EXOG: variants seen among roughly 807,000 people sequenced by gnomAD.
The protein encoded by EXOG is nuclease EXOG, mitochondrial.
EXOG carries 27 observed loss-of-function variants against 25.8 expected under a neutral mutation model. The ratio of observed to expected loss-of-function variants is 1.05; its 90% CI spans 0.77 to 1.45. EXOG has a LOEUF of 1.45. Ranked by LOEUF, EXOG falls within the 40% of genes most tolerant of loss-of-function variation. EXOG has a pLI of 0.00. For missense variants in EXOG, 458 were observed against 450.5 expected (o/e 1.02, Z -0.15); for synonymous variants, 133 against 167.0 (o/e 0.80, Z 1.57).
In EXOG at chr3:38,510,887, A is replaced by G. The variant is rs28490066; in HGVS notation, c.645+3919A>G. ...CTTCCTGAAGAGTATACTTTGAGTA[A>G]TAGTCTTGTTTCTTGTTTTTATTTT... On this transcript the variant is annotated intron_variant, in intron 5 of 5. Coordinates refer to ENST00000287675, the MANE Select transcript of EXOG (RefSeq NM_005107.4). Among the ~76,000 whole-genome samples, 364 of 152,160 alleles carry G rather than the reference A, an allele frequency of 2.4e-3. 1 individual carries two copies. Among genetic ancestry groups the G allele is most frequent in the African/African-American group, 8.5e-3 (354 of 41,536 alleles).
In EXOG at chr3:38,525,334, G is replaced by T. The variant is rs1037243827; in HGVS notation, c.*972G>T. 3.6e-5 allele frequency: 35 copies of T among 985,074 alleles called. No individual in the cohort carries two copies. The African/African-American group carries it at 5.4e-4, about 15-fold the overall frequency. 61.0% of individuals were successfully genotyped at this position (985,074 alleles called of 1,614,324 possible). On this transcript the variant is annotated 3_prime_UTR_variant, in exon 6 of 6. Transcript: ENST00000287675. ...ATTCAAATCTTTTCTGACATGGATG[G>T]TGGCTTTTTACTCAGAAATATATAC...
intron 4 of EXOG, among the ~76,000 whole-genome samples, chr3:38,504,670 G>A (rs1428395536): frequency 2.6e-5 from 4 of 152,042 alleles, no homozygotes; most frequent in African/African-American, 7.2e-5. Context: ...TCCTGACCTC[G>A]TGATTTGCCC....
intron 3 of EXOG, among the ~76,000 whole-genome samples, chr3:38,501,973 A>C (rs969752262): frequency 1.3e-5 from 2 of 152,102 alleles, no homozygotes; most frequent in South Asian, 4.2e-4. Flanking sequence ...CCCAGGCTGG[A>C]GTACAATGGC....
chr3:38,498,856 T>C, intron 2 of EXOG: 1 of 450,698 alleles, frequency 2.2e-6, no homozygotes, highest in South Asian at 1.6e-5. Flanking sequence ...TTTATTCATG[T>C]GTCCTTATGT....
chr3:38,521,497 G>T (rs1414626697), intron 5 of EXOG, among the ~76,000 whole-genome samples: 1 of 152,216 alleles, frequency 6.6e-6, no homozygotes. Flanking sequence ...GAAAATTGCC[G>T]TTTGTTTGTA....
Position 38,524,562 on chromosome 3 carries a change from C to T in EXOG, c.*200C>T, listed in dbSNP as rs1559704593. On this transcript the variant is annotated 3_prime_UTR_variant, in exon 6 of 6. Transcript: ENST00000287675. ...CCTCAAACTTCTGGGCTTAAGCAAT[C>T]CTCCTGCCTCTGCCCCCTGAGCAGC... 8.0e-7 allele frequency: 1 copy of T among 1,256,464 alleles called. No homozygotes were observed. The highest frequency in any genetic ancestry group is 3.6e-5 in the Admixed American group (1 of 27,470). 77.8% of individuals were successfully genotyped at this position (1,256,464 alleles called of 1,614,324 possible).
rs771677731 is a variant in EXOG at position 38,501,393 on chromosome 3, C to G, written c.352C>G (p.Pro118Ala). ...DRKHCKFKPD[P>A]NIPPTFSAFN... ...AAAGCATTGTAAATTTAAGCCTGAT[C>G]CCAATATCCCTCCAACCTTCAGTGC... is the stretch of plus-strand genomic sequence containing the variant. Residue 118 changes from proline to alanine, a missense_variant, in exon 3 of 6, where the codon CCC (proline) becomes GCC (alanine). Physicochemically the swap from Pro to Ala is conservative, Grantham distance 27. Around this residue, in one of 3 missense-constraint regions of EXOG, gnomAD observed 275 missense variants for 230.5 expected, o/e 1.19. Transcript: ENST00000287675. 3.0e-5 allele frequency: 48 copies of G among 1,613,012 alleles called. No homozygotes were observed. In the Admixed American group the frequency reaches 6.2e-4, roughly 21 times the overall value.
intron 3 of EXOG, 117 bp from the exon 4 acceptor site, chr3:38,503,498 A>C (rs2060108653): frequency 1.8e-6 from 1 of 562,038 alleles, no homozygotes; most frequent in Non-Finnish European, 3.2e-6. Context: ...ACAAGTAGTC[A>C]ATAATTGCCT....
chr3:38,523,954 GGCCC>G lies in EXOG; in HGVS notation c.702_705del (p.Arg235GlufsTer11). 6.2e-7 allele frequency: 1 copy of G among 1,604,904 alleles called. No individual in the cohort carries two copies. Among genetic ancestry groups the G allele is most frequent in the Non-Finnish European group, 8.5e-7 (1 of 1,175,276 alleles). ...CCTCACACCTTTATAAGGTAATCCT[GGCCC>G]GCAGAAGCTCAGTATCTACCGAACC... On this transcript the variant is annotated frameshift_variant, in exon 6 of 6. Transcript: ENST00000287675. LOFTEE classifies it low-confidence loss of function (END_TRUNC).
At chr3:38,499,004 G>A in intron 2 of EXOG, 2 of 456,536 alleles carry the variant, frequency 4.4e-6, no homozygotes, top group South Asian at 1.5e-5. Flanking sequence ...GCATTACTGA[G>A]CTTTACCAAT....
At chr3:38,509,399 C>T (rs1465123301) in intron 5 of EXOG, among the ~76,000 whole-genome samples, 1 of 151,900 alleles carries the variant, frequency 6.6e-6, no homozygotes, top group Middle Eastern at 3.2e-3. Context: ...GCCCAAATGC[C>T]GTAGTGGAAA....
intron 5 of EXOG, chr3:38,523,109 C>G (rs1034529411): frequency 8.5e-6 from 7 of 825,574 alleles, no homozygotes; most frequent in Non-Finnish European, 1.2e-5. Context: ...GGCTGCTTCT[C>G]TAAGGGCTAT....
rs150601652 is a variant in EXOG at position 38,499,754 on chromosome 3, G to A, written c.314-1601G>A. 1,179 of 429,300 alleles carry A rather than the reference G, an allele frequency of 2.7e-3. 14 individuals are homozygous for A. Among genetic ancestry groups the A allele is most frequent in the African/African-American group, 0.022 (1,045 of 48,168 alleles). 26.6% of individuals were successfully genotyped at this position (429,300 alleles called of 1,614,324 possible). ...TGAGTAGCTGGGATTACAGGTATGT[G>A]CCACTATGCCCAACTAAAAGTATAT... On this transcript the variant is annotated intron_variant, in intron 2 of 5. Coordinates refer to ENST00000287675, the MANE Select transcript of EXOG (RefSeq NM_005107.4).
chr3:38,515,168 C>T (rs973972294), intron 5 of EXOG, among the ~76,000 whole-genome samples: 2 of 152,106 alleles, frequency 1.3e-5, no homozygotes, highest in African/African-American at 4.8e-5. Context: ...CGAGTCCTTG[C>T]ATGTCTGAAA....
chr3:38,506,354 A>T (rs962119192), intron 4 of EXOG, among the ~76,000 whole-genome samples: 2 of 152,214 alleles, frequency 1.3e-5, no homozygotes, highest in Non-Finnish European at 2.9e-5. Context: ...CCTATTAAAA[A>T]TGTTAGTTTT....
chr3:38,506,922 C>A lies in EXOG; in HGVS notation c.599C>A (p.Thr200Asn). 1.2e-6 allele frequency: 2 copies of A among 1,602,274 alleles called. No homozygotes were observed. The highest frequency in any genetic ancestry group is 1.7e-6 in the Non-Finnish European group (2 of 1,169,556). Residue 200 changes from threonine (T) to asparagine (N), a missense_variant, in exon 5 of 6, where the codon ACC (threonine) becomes AAC (asparagine). Thr to Asn is a moderately conservative substitution (Grantham distance 65). This residue lies in a region of EXOG where 178 missense variants were observed against 203.7 expected (regional missense o/e 0.87). Coordinates refer to ENST00000287675, the MANE Select transcript of EXOG (RefSeq NM_005107.4). ...EDVWVVSGPL[T>N]LPQTRGDGKK... Reference sequence around the variant, plus strand: ...GTTTGGGTGGTATCTGGGCCTTTGACCTTACCTCAGACTAGAGGCGATGGA... The same window carrying A: ...GTTTGGGTGGTATCTGGGCCTTTGAACTTACCTCAGACTAGAGGCGATGGA...
At chr3:38,505,806 T>A (rs947633136) in intron 4 of EXOG, among the ~76,000 whole-genome samples, 49 of 148,304 alleles carry the variant, frequency 3.3e-4, no homozygotes, top group African/African-American at 1.0e-3. Context: ...ACACTAAAAA[T>A]AAAAAAAAAA....
At chr3:38,499,879 C>T (rs2059995953) in intron 2 of EXOG, 2 of 352,220 alleles carry the variant, frequency 5.7e-6, no homozygotes, top group East Asian at 7.7e-5. Context: ...AAGAGGTAAG[C>T]GCAGTCTTGG....
intron 4 of EXOG, among the ~76,000 whole-genome samples, chr3:38,504,427 G>T (rs952749465): frequency 6.6e-6 from 1 of 151,904 alleles, no homozygotes; most frequent in Admixed American, 6.6e-5. Context: ...CTATTAACCA[G>T]TTTTTTTGTT....
Sources: allele counts gnomAD v4.1 joint callset (sites outside exome capture counted in the v4.1 genomes callset), GRCh38; gene constraint gnomAD v4.1.1; regional missense constraint gnomAD v4.1.1; transcripts MANE v1.5; gene names NCBI Gene and HGNC (gene_info 2026-07-23, HGNC 2026-07-21).